Variants in STAU1 observed in about 807,000 individuals in gnomAD.
STAU1 encodes double-stranded RNA-binding protein Staufen homolog 1.
Under a neutral mutation model 62.9 loss-of-function variants are expected in STAU1, and 13 were observed. That is an observed-to-expected ratio of 0.21 (90% confidence interval 0.13 to 0.33). STAU1 has a LOEUF of 0.33. Ranked by LOEUF, STAU1 falls within the 10% of genes least tolerant of loss-of-function variation. STAU1 has a pLI of 1.00. For synonymous variants in STAU1, 269 were observed against 265.1 expected (o/e 1.01, Z -0.14); for missense variants, 571 against 712.1 (o/e 0.80, Z 2.25).
upstream of STAU1, among the ~76,000 whole-genome samples, chr20:49,192,535 T>C (rs2093832622): frequency 6.6e-6 from 1 of 152,084 alleles, no homozygotes; most frequent in African/African-American, 2.4e-5. Flanking sequence ...ATACAGGTTA[T>C]GGTATTGGCT....
the STAU1 span, among the ~76,000 whole-genome samples, chr20:49,217,275 C>T: frequency 1.3e-5 from 2 of 152,078 alleles, no homozygotes; most frequent in Non-Finnish European, 2.9e-5. Context: ...TCCAGTGCTC[C>T]GTTCTCTCTC....
intron 9 of STAU1, among the ~76,000 whole-genome samples, chr20:49,119,682 C>T (rs1020735683): frequency 6.6e-6 from 1 of 152,142 alleles, no homozygotes; most frequent in Non-Finnish European, 1.5e-5. Flanking sequence ...AATTTCAGTC[C>T]TAATTACCCT....
At chr20:49,193,643 G>T in the STAU1 span, among the ~76,000 whole-genome samples, 1 of 150,880 alleles carries the variant, frequency 6.6e-6, no homozygotes, top group African/African-American at 2.5e-5. Context: ...TGCAACTCCA[G>T]CCTGGGCCTG....
At chr20:49,121,727 A>C (rs1050914843) in intron 8 of STAU1, among the ~76,000 whole-genome samples, 2 of 152,244 alleles carry the variant, frequency 1.3e-5, no homozygotes. Flanking sequence ...TTTATAACAC[A>C]CATGTATATA....
chr20:49,132,602 T>C (rs1019685541), intron 6 of STAU1, among the ~76,000 whole-genome samples: 1 of 152,064 alleles, frequency 6.6e-6, no homozygotes, highest in Admixed American at 6.6e-5. Context: ...CTACTAAAAA[T>C]ACAAAAATTA....
In STAU1 at chr20:49,134,517, C is replaced by A. The variant is rs951224953; in HGVS notation, c.609+1316G>T. 1.1e-5 allele frequency: 14 copies of A among 1,244,392 alleles called. No individual in the cohort carries two copies. In the African/African-American group the frequency reaches 1.8e-4, roughly 16 times the overall value. The allele number at this position is 1,244,392 out of a possible 1,614,324, so 77.1% of individuals were successfully genotyped here. On this transcript the variant is annotated intron_variant, in intron 6 of 13. Coordinates refer to ENST00000371856, the MANE Select transcript of STAU1 (RefSeq NM_017453.4). ...TACTCTTCTCTCATGGATCCTGACA[C>A]CAAACTCATCGGAAACATAGCACTG...
chr20:49,208,366 T>C, the STAU1 span, among the ~76,000 whole-genome samples: 1 of 151,708 alleles, frequency 6.6e-6, no homozygotes, highest in Admixed American at 6.6e-5. Flanking sequence ...CCTATATATA[T>C]ATTTTTTTGT....
chr20:49,168,418 A>T (rs2093554757), intron 2 of STAU1, among the ~76,000 whole-genome samples: 1 of 152,174 alleles, frequency 6.6e-6, no homozygotes, highest in Non-Finnish European at 1.5e-5. Context: ...CTAGAAGCTG[A>T]GAAAGGAATA....
intron 3 of STAU1, among the ~76,000 whole-genome samples, chr20:49,157,946 G>A (rs1208573128): frequency 1.3e-5 from 2 of 151,738 alleles, no homozygotes; most frequent in Admixed American, 6.6e-5. Flanking sequence ...TAATTCTGAT[G>A]CACCCCAAAG....
chr20:49,119,855 C>T, intron 9 of STAU1, 127 bp downstream of exon 9: 1 of 1,167,442 alleles, frequency 8.6e-7, no homozygotes, highest in South Asian at 1.6e-5. Context: ...ATGAGACACT[C>T]CTCAGCAGGA....
the STAU1 span, among the ~76,000 whole-genome samples, chr20:49,199,530 T>C: frequency 1.1e-4 from 17 of 151,146 alleles, no homozygotes; most frequent in African/African-American, 4.1e-4. Flanking sequence ...CGCCCGGCCA[T>C]GTTTATTTTA....
chr20:49,174,762 T>C (rs2093638301), intron 1 of STAU1, among the ~76,000 whole-genome samples: 5 of 151,910 alleles, frequency 3.3e-5, no homozygotes. Context: ...ACGGTGAAAC[T>C]CCGTCTCTAC....
In STAU1 at chr20:49,136,234, G is replaced by C. The variant is rs375910986; in HGVS notation, c.511-303C>G. On this transcript the variant is annotated intron_variant, in intron 5 of 13. Coordinates refer to ENST00000371856, the MANE Select transcript of STAU1 (RefSeq NM_017453.4). ...GAGCATTGCTTGAGCCCAGGAGATCGAGGCTGCAGTAAGCCATGATCATGC... is the reference window on the plus strand; with the variant it reads ...GAGCATTGCTTGAGCCCAGGAGATCCAGGCTGCAGTAAGCCATGATCATGC... Among the ~76,000 whole-genome samples the C allele has an allele frequency of 3.9e-5, 6 of 152,286 alleles. No homozygotes were observed. In the South Asian group the frequency reaches 1.2e-3, roughly 32 times the overall value.
chr20:49,219,277 C>A, the STAU1 span: 2 of 1,424,918 alleles, frequency 1.4e-6, no homozygotes, highest in Middle Eastern at 2.3e-4. Context: ...CGAAACCAAC[C>A]ACGCCCCATA....
At chr20:49,176,912 GTT>G (rs11368238) in intron 1 of STAU1, among the ~76,000 whole-genome samples, 28 of 135,692 alleles carry the variant, frequency 2.1e-4, no homozygotes, top group Non-Finnish European at 2.2e-4. Context: ...AGGGTGTCTA[GTT>G]TTTTTTTTTT....
At chr20:49,196,251 A>C in the STAU1 span, among the ~76,000 whole-genome samples, 1 of 151,482 alleles carries the variant, frequency 6.6e-6, no homozygotes, top group Non-Finnish European at 1.5e-5. Context: ...CCTGGCTAAC[A>C]CAGTGAAACC....
At chr20:49,172,221 T>C (rs1013139136) in intron 2 of STAU1, among the ~76,000 whole-genome samples, 4 of 152,222 alleles carry the variant, frequency 2.6e-5, no homozygotes, top group African/African-American at 9.6e-5. Context: ...ATTTTCATTA[T>C]TTTCATCCTA....
chr20:49,196,203 G>T, the STAU1 span, among the ~76,000 whole-genome samples: 1 of 151,216 alleles, frequency 6.6e-6, no homozygotes, highest in Admixed American at 6.6e-5. Context: ...TTGGGAGGCC[G>T]AGGCGGGCGG....
In STAU1 at chr20:49,187,038, G is replaced by GA. The variant is rs372709380; in HGVS notation, c.-160+1077dup. On this transcript the variant is annotated intron_variant, in intron 1 of 13. Coordinates refer to ENST00000371856, the MANE Select transcript of STAU1 (RefSeq NM_017453.4). ...GGGTGAATATAAGCAAAGCTTCCGT[G>GA]AAAAAAAACTTATCGAGGTGTAGAG... 6.6e-5 allele frequency among the ~76,000 whole-genome samples: 10 copies of GA among 151,896 alleles called. 1 individual carries two copies. The highest frequency in any genetic ancestry group is 1.9e-4 in the African/African-American group (8 of 41,358).
Sources: gnomAD v4.1 joint callset for allele counts (sites outside exome capture counted in the v4.1 genomes callset) on GRCh38, gnomAD v4.1.1 for gene constraint, MANE v1.5 for transcripts, NCBI Gene and HGNC (gene_info 2026-07-23, HGNC 2026-07-21) for gene names.